EIF4G3: variants seen among roughly 807,000 people sequenced by gnomAD.
EIF4G3 encodes the protein eukaryotic translation initiation factor 4 gamma 3.
EIF4G3 carries 34 observed loss-of-function variants against 186.4 expected under a neutral mutation model. That is an observed-to-expected ratio of 0.18 (90% CI 0.14 to 0.24). EIF4G3 has a LOEUF of 0.24. EIF4G3 is among the 10% of genes least tolerant of loss of function. EIF4G3 has a pLI of 1.00. For missense variants in EIF4G3, 1,536 were observed against 1,948.5 expected, an observed-to-expected ratio of 0.79 and a Z score of 3.99; for synonymous variants, 673 against 679.5, an observed-to-expected ratio of 0.99 and a Z score of 0.15.
chr1:20,884,561 T>C (rs1234294057), intron 19 of EIF4G3, among the ~76,000 whole-genome samples: 1 of 152,206 alleles, frequency 6.6e-6, no homozygotes, highest in Non-Finnish European at 1.5e-5. Context: ...TCACGGAGAT[T>C]GGAGAGAAGG....
chr1:20,981,555 C>T (rs900743445), intron 8 of EIF4G3, among the ~76,000 whole-genome samples: 2 of 52,706 alleles, frequency 3.8e-5, no homozygotes, highest in African/African-American at 9.7e-5. Context: ...TGTATGTATA[C>T]ATACATACAT....
At chr1:21,125,049 A>G (rs951916821) in intron 2 of EIF4G3, among the ~76,000 whole-genome samples, 4 of 152,244 alleles carry the variant, frequency 2.6e-5, no homozygotes, top group African/African-American at 7.2e-5. Context: ...CAAAAAATGT[A>G]AACAGGCAGT....
At chr1:21,017,570 G>A (rs2154570499) in intron 4 of EIF4G3, among the ~76,000 whole-genome samples, 1 of 138,398 alleles carries the variant, frequency 7.2e-6, no homozygotes. Flanking sequence ...GGAGCTTGCA[G>A]TGAGCCAAGA....
chr1:20,884,051 G>A (rs555896701), intron 19 of EIF4G3, among the ~76,000 whole-genome samples: 2 of 152,230 alleles, frequency 1.3e-5, no homozygotes, highest in Non-Finnish European at 2.9e-5. Context: ...AACAGTGGTC[G>A]TTCACAATGC....
rs2077114362 is a variant in EIF4G3, at chr1:20,864,376, A to G, written c.3006+100T>C. ...GCAAAAGAAGAAAAATAAACAGCCC[A>G]GACCTTTGGGAAAAGATAGAACTAT... is the stretch of plus-strand genomic sequence containing the variant. On this transcript the variant is annotated intron_variant, in intron 22 of 36. Transcript: ENST00000602326. 2.4e-5 allele frequency: 21 copies of G among 879,938 alleles called. No individual in the cohort carries two copies. The South Asian group carries it at 3.3e-4, about 14-fold the overall frequency. The allele number at this position is 879,938 out of a possible 1,614,324, so 54.5% of individuals were successfully genotyped here.
chr1:20,834,339 T>C (rs2066128806), intron 30 of EIF4G3, among the ~76,000 whole-genome samples: 1 of 152,038 alleles, frequency 6.6e-6, no homozygotes, highest in Admixed American at 6.6e-5. Flanking sequence ...TGGTCCCAAC[T>C]ACCCAGGAGG....
intron 2 of EIF4G3, among the ~76,000 whole-genome samples, chr1:21,104,541 G>T (rs906782426): frequency 6.6e-6 from 1 of 152,104 alleles, no homozygotes; most frequent in Admixed American, 6.6e-5. Flanking sequence ...TACCAGTCAC[G>T]ATGGCCATTA....
At chr1:21,065,397 C>CAA (rs3081969) in intron 3 of EIF4G3, among the ~76,000 whole-genome samples, 42,168 of 123,692 alleles carry the variant, frequency 0.34, 7,069 homozygotes, top group Middle Eastern at 0.51. Flanking sequence ...TTGTTTCTAC[C>CAA]AAAAAAAAAA....
intron 20 of EIF4G3, among the ~76,000 whole-genome samples, chr1:20,874,338 A>G (rs1182574295): frequency 1.3e-5 from 2 of 152,020 alleles, no homozygotes; most frequent in Middle Eastern, 3.2e-3. Context: ...GCTAGCATCT[A>G]TTGTTTCCTT....
chr1:21,116,056 T>C (rs1434498889), intron 2 of EIF4G3, among the ~76,000 whole-genome samples: 2 of 152,070 alleles, frequency 1.3e-5, no homozygotes, highest in African/African-American at 4.8e-5. Flanking sequence ...TTGTATATTG[T>C]AGGCATACAA....
At chr1:20,948,614 T>C (rs2096070147) in intron 13 of EIF4G3, among the ~76,000 whole-genome samples, 1 of 152,150 alleles carries the variant, frequency 6.6e-6, no homozygotes, top group Admixed American at 6.5e-5. Context: ...AGTACATCTT[T>C]CAGAAAGTTT....
chr1:21,014,313 T>C (rs2088164920), intron 4 of EIF4G3, among the ~76,000 whole-genome samples: 1 of 152,244 alleles, frequency 6.6e-6, no homozygotes, highest in African/African-American at 2.4e-5. Context: ...ATTTGGTTTT[T>C]ATTTCTTTTT....
intron 3 of EIF4G3, among the ~76,000 whole-genome samples, chr1:21,052,888 T>C (rs1399326266): frequency 1.3e-5 from 2 of 152,236 alleles, no homozygotes; most frequent in Admixed American, 6.5e-5. Flanking sequence ...CAGTGCTCAA[T>C]GGTGCCCAGG....
At chr1:21,082,149 T>C (rs1346300540) in intron 3 of EIF4G3, among the ~76,000 whole-genome samples, 2 of 148,140 alleles carry the variant, frequency 1.4e-5, no homozygotes, top group Non-Finnish European at 3.0e-5. Context: ...TTATGTAAAA[T>C]GACGGACATT....
chr1:20,816,822 A>T (rs2061109551), intron 34 of EIF4G3, among the ~76,000 whole-genome samples: 1 of 94,964 alleles, frequency 1.1e-5, no homozygotes, highest in Non-Finnish European at 2.3e-5. Flanking sequence ...TGGGGAAAAA[A>T]TTGAGAAATC....
rs1473849060 is a variant in EIF4G3, at chr1:21,125,484, C to A, written c.-271-36271G>T. ...CTATAATCTCAGCACTTTGGGAGACCAAGGCAGGCAGATCACCTGAGGTCA... is the reference window on the plus strand; with the variant it reads ...CTATAATCTCAGCACTTTGGGAGACAAAGGCAGGCAGATCACCTGAGGTCA... On this transcript the variant is annotated intron_variant, in intron 2 of 36. Coordinates refer to ENST00000602326, the MANE Select transcript of EIF4G3 (RefSeq NM_001391906.1). 5.3e-5 allele frequency among the ~76,000 whole-genome samples: 8 copies of A among 152,098 alleles called. No individual in the cohort carries two copies. In the East Asian group the frequency reaches 1.4e-3, roughly 26 times the overall value.
At chr1:20,903,621 C>A (rs1335724760) in intron 15 of EIF4G3, among the ~76,000 whole-genome samples, 1 of 152,130 alleles carries the variant, frequency 6.6e-6, no homozygotes, top group African/African-American at 2.4e-5. Flanking sequence ...GTTTTACACC[C>A]TAATAACCAC....
At chr1:20,890,212 A>G (rs2085565460) in intron 18 of EIF4G3, among the ~76,000 whole-genome samples, 1 of 152,156 alleles carries the variant, frequency 6.6e-6, no homozygotes, top group African/African-American at 2.4e-5. Context: ...GCCTCATGTA[A>G]TCTGCCCACC....
At chr1:21,065,526 G>C (rs952691584) in intron 3 of EIF4G3, among the ~76,000 whole-genome samples, 1 of 151,902 alleles carries the variant, frequency 6.6e-6, no homozygotes, top group Admixed American at 6.6e-5. Context: ...CTCCAGCCTG[G>C]GAGACAGACT....
Sources: gnomAD v4.1 joint callset for allele counts (sites outside exome capture counted in the v4.1 genomes callset) on GRCh38, gnomAD v4.1.1 for gene constraint, MANE v1.5 for transcripts, NCBI Gene and HGNC (gene_info 2026-07-23, HGNC 2026-07-21) for gene names.